The following DEPTOR variants were observed in gnomAD, a reference collection of about 807,000 sequenced individuals.
DEPTOR encodes DEP domain-containing mTOR-interacting protein.
In DEPTOR, 41 loss-of-function variants were observed where a neutral mutation model predicts 41.6. The ratio of observed to expected loss-of-function variants is 0.98; its 90% confidence interval spans 0.77 to 1.28. The LOEUF (loss-of-function observed/expected upper bound fraction) is 1.28, where lower values mean the gene tolerates loss of function less well. Among genes scored for constraint, DEPTOR ranks in the 50% most tolerant of loss-of-function variants. DEPTOR has a pLI of 0.00. For synonymous variants in DEPTOR, 195 were observed against 192.3 expected, an observed-to-expected ratio of 1.01 and a Z score of -0.12; for missense variants, 514 against 527.9, an observed-to-expected ratio of 0.97 and a Z score of 0.26.
intron 1 of DEPTOR, among the ~76,000 whole-genome samples, chr8:119,927,024 C>G (rs575781199): frequency 6.6e-6 from 1 of 152,194 alleles, no homozygotes; most frequent in Non-Finnish European, 1.5e-5. Context: ...ATTTTAAATC[C>G]TAAATACTGA....
At chr8:119,938,803 C>A (rs1257136256) in intron 3 of DEPTOR, among the ~76,000 whole-genome samples, 1 of 152,086 alleles carries the variant, frequency 6.6e-6, no homozygotes, top group African/African-American at 2.4e-5. Context: ...AGCCACCACA[C>A]CCAGCCTGCC....
chr8:119,903,130 G>T (rs1827616751), intron 1 of DEPTOR, among the ~76,000 whole-genome samples: 1 of 152,052 alleles, frequency 6.6e-6, no homozygotes, highest in Non-Finnish European at 1.5e-5. Context: ...AGATAGTCTT[G>T]CTCTGTTGCC....
chr8:119,964,254 C>T (rs781518111), intron 3 of DEPTOR, among the ~76,000 whole-genome samples: 9 of 152,070 alleles, frequency 5.9e-5, no homozygotes, highest in Non-Finnish European at 1.3e-4. Context: ...CGGTGGCTCA[C>T]GCTGGTAATC....
chr8:119,896,087 T>C (rs912059791), intron 1 of DEPTOR, among the ~76,000 whole-genome samples: 2 of 152,158 alleles, frequency 1.3e-5, no homozygotes, highest in African/African-American at 4.8e-5. Flanking sequence ...GCAGTATTTA[T>C]GGATTTTGTG....
rs1302611263 is a variant in DEPTOR, at chr8:120,049,645, C to G, written c.1171C>G (p.Leu391Val). Residue 391 changes from leucine (L) to valine (V), a missense_variant, in exon 9 of 9, where the codon CTG (leucine) becomes GTG (valine). By Grantham distance (32) the Leu-to-Val change is conservative. Coordinates refer to ENST00000286234, the MANE Select transcript of DEPTOR (RefSeq NM_022783.4). ...LHVDYRTVSN[L>V]ILTGPRTIVM... is the part of the protein sequence containing the mutation. Reference sequence around the variant, plus strand: ...TGTAGACTACCGGACCGTGAGCAATCTGATTCTGACGGGCCCACGGACGAT... The same window carrying G: ...TGTAGACTACCGGACCGTGAGCAATGTGATTCTGACGGGCCCACGGACGAT... 1 of 1,613,896 alleles carries G rather than the reference C, an allele frequency of 6.2e-7. No homozygotes were observed. The highest frequency in any genetic ancestry group is 2.2e-5 in the East Asian group (1 of 44,886).
At chr8:119,937,206 C>T (rs779481065) in intron 3 of DEPTOR, among the ~76,000 whole-genome samples, 2 of 152,006 alleles carry the variant, frequency 1.3e-5, no homozygotes, top group Non-Finnish European at 2.9e-5. Context: ...TCAAGACTAG[C>T]CTGACCAATA....
intron 3 of DEPTOR, among the ~76,000 whole-genome samples, chr8:119,944,217 TGAGAC>T (rs1828240184): frequency 6.6e-6 from 1 of 152,194 alleles, no homozygotes; most frequent in African/African-American, 2.4e-5. Context: ...ACTTGGAAAG[TGAGAC>T]GAGTTCATCT....
intron 1 of DEPTOR, among the ~76,000 whole-genome samples, chr8:119,908,051 G>T (rs945805905): frequency 1.3e-5 from 2 of 152,080 alleles, no homozygotes; most frequent in Non-Finnish European, 2.9e-5. Context: ...AGGATGAGAG[G>T]GTTGGAACTT....
chr8:119,909,050 G>T (rs947289509), intron 1 of DEPTOR, among the ~76,000 whole-genome samples: 4 of 152,204 alleles, frequency 2.6e-5, no homozygotes, highest in Non-Finnish European at 5.9e-5. Context: ...TGGAGTGAGA[G>T]TTTGTCGTAT....
chr8:119,917,545 T>A (rs1240663825), intron 1 of DEPTOR, among the ~76,000 whole-genome samples: 2 of 152,192 alleles, frequency 1.3e-5, no homozygotes, highest in Non-Finnish European at 2.9e-5. Flanking sequence ...TTAAGAGTCA[T>A]CACCACTCCC....
intron 1 of DEPTOR, among the ~76,000 whole-genome samples, chr8:119,888,905 A>G (rs1413979725): frequency 2.8e-5 from 4 of 143,974 alleles, no homozygotes; most frequent in Non-Finnish European, 6.1e-5. Flanking sequence ...GTTCATTTGT[A>G]TTTGTCCTGA....
intron 5 of DEPTOR, 73 bp from the exon 6 acceptor site, chr8:120,002,904 G>C (rs1321962682): frequency 6.6e-7 from 1 of 1,507,740 alleles, no homozygotes; most frequent in Non-Finnish European, 8.9e-7. Context: ...GGACCTTGCA[G>C]TTGAAAGCCT....
chr8:119,974,535 G>T (rs1378974719), intron 4 of DEPTOR, among the ~76,000 whole-genome samples: 2 of 152,134 alleles, frequency 1.3e-5, no homozygotes, highest in South Asian at 2.1e-4. Flanking sequence ...ACTTTGGGAG[G>T]CTGAGGCGAG....
intron 4 of DEPTOR, among the ~76,000 whole-genome samples, chr8:120,000,323 C>T (rs1356805400): frequency 6.6e-6 from 1 of 152,116 alleles, no homozygotes; most frequent in Non-Finnish European, 1.5e-5. Flanking sequence ...CCCCCTCCAG[C>T]CCCTGGCAAC....
intron 4 of DEPTOR, among the ~76,000 whole-genome samples, chr8:119,997,674 C>T (rs567903699): frequency 4.9e-4 from 74 of 152,296 alleles, no homozygotes; most frequent in African/African-American, 1.7e-3. Flanking sequence ...AGATTAAATG[C>T]TGGCACTGGT....
chr8:119,958,721 G>GCAGTGAGC (rs1208258319), intron 3 of DEPTOR, among the ~76,000 whole-genome samples: 1 of 152,084 alleles, frequency 6.6e-6, no homozygotes, highest in Non-Finnish European at 1.5e-5. Context: ...GGCAGAGGTT[G>GCAGTGAGC]CAGTGAGCCG....
At chr8:119,964,376 G>A (rs1197668364) in intron 3 of DEPTOR, among the ~76,000 whole-genome samples, 1 of 151,974 alleles carries the variant, frequency 6.6e-6, no homozygotes, top group Admixed American at 6.6e-5. Context: ...TTAGCCGGGT[G>A]TAGTGGCATG....
chr8:119,981,865 A>T (rs1828771613), intron 4 of DEPTOR, among the ~76,000 whole-genome samples: 1 of 151,680 alleles, frequency 6.6e-6, no homozygotes, highest in African/African-American at 2.4e-5. Context: ...AATACAAAAA[A>T]TTAGCTGGGA....
chr8:119,881,051 A>G lies in DEPTOR; in HGVS notation c.122+7083A>G, dbSNP rs143625841. On this transcript the variant is annotated intron_variant, in intron 1 of 8. Coordinates refer to ENST00000286234, the MANE Select transcript of DEPTOR (RefSeq NM_022783.4). ...TACTAGGCTATGAATTTAGTTAGCT[A>G]AGTTGGAGGAAATGCAGTTCTTTCA... Among the ~76,000 whole-genome samples, 16 of 152,368 alleles carry G rather than the reference A, an allele frequency of 1.1e-4. No homozygotes were observed. The East Asian group carries it at 2.3e-3, about 22-fold the overall frequency.
Sources: allele counts gnomAD v4.1 joint callset (sites outside exome capture counted in the v4.1 genomes callset), GRCh38; gene constraint gnomAD v4.1.1; transcripts MANE v1.5; gene names NCBI Gene and HGNC (gene_info 2026-07-23, HGNC 2026-07-21).